The following MTMR3 variants were observed in gnomAD, a reference collection of about 807,000 sequenced individuals.
The protein encoded by MTMR3 is myotubularin related protein 3, also known as phosphatidylinositol-3,5-bisphosphate 3-phosphatase MTMR3.
Under a neutral mutation model 132.4 loss-of-function variants are expected in MTMR3, and 32 were observed. That is an observed-to-expected ratio of 0.24 (90% CI 0.18 to 0.32). The LOEUF (loss-of-function observed/expected upper bound fraction) is 0.32, where lower values mean the gene tolerates loss of function less well. MTMR3 is among the 10% of genes least tolerant of loss of function. MTMR3 has a pLI of 1.00. For missense variants in MTMR3, 1,216 were observed against 1,489.6 expected (o/e 0.82, Z 3.02); for synonymous variants, 556 against 550.3 (o/e 1.01, Z -0.14).
intron 1 of MTMR3, among the ~76,000 whole-genome samples, chr22:29,894,948 C>T (rs1466423423): frequency 6.6e-6 from 1 of 152,166 alleles, no homozygotes; most frequent in African/African-American, 2.4e-5. Context: ...TGCAGTGGCT[C>T]GTGCCTATAA....
intron 1 of MTMR3, among the ~76,000 whole-genome samples, chr22:29,945,337 A>G (rs1179107882): frequency 2.6e-5 from 4 of 152,194 alleles, no homozygotes; most frequent in Admixed American, 2.0e-4. Context: ...GACATGTAGT[A>G]AGCATTATAA....
chr22:30,030,657 T>TA lies in MTMR3; in HGVS notation c.*4857dup, dbSNP rs1346301370. The TA allele has an allele frequency of 5.6e-5, 8 of 143,254 alleles. No homozygotes were observed. Among genetic ancestry groups the TA allele is most frequent in the African/African-American group, 2.0e-4 (8 of 39,364 alleles). The allele number at this position is 143,254 out of a possible 1,614,324, so 8.9% of individuals were successfully genotyped here. A position where few individuals can be genotyped will look rare whatever the true frequency, so the allele number is the denominator to read the frequency against. ...AGGGGGCGGGGGGGGGGTCACTATT[T>TA]ATCTTCCAGAGGCAGGGTTCATGGA... On this transcript the variant is annotated 3_prime_UTR_variant, in exon 20 of 20. Coordinates refer to ENST00000401950, the MANE Select transcript of MTMR3 (RefSeq NM_021090.4).
intron 6 of MTMR3, chr22:29,989,227 T>C (rs2066913827): frequency 6.6e-6 from 1 of 152,478 alleles, no homozygotes; most frequent in Non-Finnish European, 1.5e-5. Context: ...TTTCTTTTTG[T>C]TTTTGTTTGT....
intron 1 of MTMR3, among the ~76,000 whole-genome samples, chr22:29,889,822 C>G (rs1476779222): frequency 6.6e-6 from 1 of 150,630 alleles, no homozygotes; most frequent in Non-Finnish European, 1.5e-5. Flanking sequence ...CAATTTTTCT[C>G]TTAAAGCAGT....
chr22:29,962,601 G>T (rs886586217), intron 2 of MTMR3, among the ~76,000 whole-genome samples: 1 of 152,116 alleles, frequency 6.6e-6, no homozygotes, highest in Non-Finnish European at 1.5e-5. Flanking sequence ...AGCCCAGGAG[G>T]TTGAGGCCGC....
At chr22:29,908,985 T>TTC in intron 1 of MTMR3, among the ~76,000 whole-genome samples, 1 of 146,442 alleles carries the variant, frequency 6.8e-6, no homozygotes, top group Non-Finnish European at 1.5e-5. Context: ...TTCTTTTCTT[T>TTC]TTTTTTTTTT....
At chr22:29,978,114 G>A (rs1025372171) in intron 3 of MTMR3, 1 of 199,130 alleles carries the variant, frequency 5.0e-6, no homozygotes, top group African/African-American at 2.3e-5. Flanking sequence ...CACTACCTGT[G>A]CACTACACTA....
chr22:29,968,954 G>A (rs1050570082), intron 2 of MTMR3, among the ~76,000 whole-genome samples: 1 of 152,094 alleles, frequency 6.6e-6, no homozygotes, highest in Non-Finnish European at 1.5e-5. Context: ...AAAAAATGGT[G>A]CACCCAAAAC....
At position 29,931,028 on chromosome 22, in the gene MTMR3, A is replaced by AC. The variant is rs1237082930; in HGVS notation, c.-137-26008_-137-26007insC. Among the ~76,000 whole-genome samples, 634 of 151,984 alleles carry AC rather than the reference A, an allele frequency of 4.2e-3. 6 individuals carry two copies. The highest frequency in any genetic ancestry group is 0.014 in the African/African-American group (596 of 41,412). On this transcript the variant is annotated intron_variant, in intron 1 of 19. Coordinates refer to ENST00000401950, the MANE Select transcript of MTMR3 (RefSeq NM_021090.4). ...TGTCTCAAAAGAAAAAAAAAAAAAAAAAAACTTAAAAATGACCTAACTTTG... is the reference window on the plus strand; with the variant it reads ...TGTCTCAAAAGAAAAAAAAAAAAAAACAAAACTTAAAAATGACCTAACTTTG...
At chr22:29,918,754 T>A (rs540483470) in intron 1 of MTMR3, among the ~76,000 whole-genome samples, 2 of 152,372 alleles carry the variant, frequency 1.3e-5, no homozygotes, top group East Asian at 3.9e-4. Flanking sequence ...TTTATCATAA[T>A]CTGTCTCATA....
chr22:29,983,300 A>C (rs2066792007), intron 5 of MTMR3: 1 of 152,240 alleles, frequency 6.6e-6, no homozygotes, highest in South Asian at 2.1e-4. Context: ...TGTAAAATCA[A>C]CACTAGTTTT....
At chr22:30,022,471 G>A (rs907634014) in intron 18 of MTMR3, 138 bp from the exon 19 acceptor site, 35 of 734,260 alleles carry the variant, frequency 4.8e-5, no homozygotes, top group Admixed American at 4.7e-4. Flanking sequence ...TTCTTGTACT[G>A]TTGACATCAG....
chr22:29,933,649 G>T (rs2065688716), intron 1 of MTMR3, among the ~76,000 whole-genome samples: 1 of 151,606 alleles, frequency 6.6e-6, no homozygotes, highest in Non-Finnish European at 1.5e-5. Context: ...GAACTGAGAG[G>T]TACTAATCAG....
At chr22:29,941,655 G>C (rs1046797008) in intron 1 of MTMR3, among the ~76,000 whole-genome samples, 7 of 152,192 alleles carry the variant, frequency 4.6e-5, no homozygotes, top group African/African-American at 1.7e-4. Context: ...CCTGATGACT[G>C]ATTTGAGAAT....
intron 7 of MTMR3, chr22:29,993,223 A>G (rs931647864): frequency 1.3e-5 from 2 of 152,186 alleles, no homozygotes. Flanking sequence ...AATGTGCTTA[A>G]ACTGTCTCTC....
chr22:29,906,334 G>GTCTGTCTGTCTA (rs1555894509), intron 1 of MTMR3, among the ~76,000 whole-genome samples: 2 of 119,932 alleles, frequency 1.7e-5, no homozygotes, highest in African/African-American at 1.0e-4. Flanking sequence ...CTATCTATCT[G>GTCTGTCTGTCTA]TCTATCTATC....
In MTMR3 at chr22:30,026,049, T is replaced by C. The variant is rs2067905300; in HGVS notation, c.*248T>C. On this transcript the variant is annotated 3_prime_UTR_variant, in exon 20 of 20. Transcript: ENST00000401950. ...GGAAACTTTCCCTTGGTTGTCTTAATTTTTTTTTTTTTTGATGGAAGACCA... is the reference window on the plus strand; with the variant it reads ...GGAAACTTTCCCTTGGTTGTCTTAACTTTTTTTTTTTTTGATGGAAGACCA... The C allele has an allele frequency of 6.8e-6, 1 of 147,190 alleles. No homozygotes were observed. The highest frequency in any genetic ancestry group is 7.6e-5 in the Admixed American group (1 of 13,234). The allele number at this position is 147,190 out of a possible 1,614,324, so 9.1% of individuals were successfully genotyped here.
chr22:29,931,820 G>C (rs1346902578), intron 1 of MTMR3, among the ~76,000 whole-genome samples: 1 of 150,746 alleles, frequency 6.6e-6, no homozygotes, highest in Non-Finnish European at 1.5e-5. Flanking sequence ...GACCATTGGA[G>C]GGAAGGAGTA....
intron 1 of MTMR3, among the ~76,000 whole-genome samples, chr22:29,914,544 C>T (rs2065273886): frequency 6.6e-6 from 1 of 152,012 alleles, no homozygotes; most frequent in Non-Finnish European, 1.5e-5. Flanking sequence ...TAATTTGTGG[C>T]TTGCCTTTTC....
Sources: gnomAD v4.1 joint callset for allele counts (sites outside exome capture counted in the v4.1 genomes callset) on GRCh38, gnomAD v4.1.1 for gene constraint, MANE v1.5 for transcripts, NCBI Gene and HGNC (gene_info 2026-07-23, HGNC 2026-07-21) for gene names.